Variants in PNPLA4 observed in about 807,000 individuals in gnomAD.
PNPLA4 encodes patatin-like phospholipase domain-containing protein 4.
Under a neutral mutation model 18.3 loss-of-function variants are expected in PNPLA4, and 15 were observed. That is an observed-to-expected ratio of 0.82 (90% CI 0.55 to 1.26). The LOEUF (loss-of-function observed/expected upper bound fraction) is 1.26. Ranked by LOEUF, PNPLA4 falls within the 50% of genes most tolerant of loss-of-function variation. PNPLA4 has a pLI of 0.00. For missense variants in PNPLA4, 229 were observed against 196.8 expected (o/e 1.16, Z -0.98); for synonymous variants, 88 against 85.6 (o/e 1.03, Z -0.16).
At chrX:7,906,458 C>A (rs1407108936) in intron 5 of PNPLA4, among the ~76,000 whole-genome samples, 1 of 111,830 alleles carries the variant, frequency 8.9e-6, no homozygotes, top group African/African-American at 3.3e-5. Context: ...CTCCAGATAT[C>A]TACTTTTGAG....
intron 4 of PNPLA4, among the ~76,000 whole-genome samples, chrX:7,919,468 G>A (rs1924146073): frequency 1.8e-5 from 2 of 112,273 alleles, no homozygotes; most frequent in Admixed American, 9.4e-5. Flanking sequence ...CCTGCTTTCC[G>A]AGAAGCCTCT....
At chrX:7,903,723 G>A (rs768181563) in intron 5 of PNPLA4, among the ~76,000 whole-genome samples, 1 of 112,117 alleles carries the variant, frequency 8.9e-6, no homozygotes, top group Non-Finnish European at 1.9e-5. Flanking sequence ...AAAATGGGTT[G>A]AAAATTCCTT....
At chrX:7,910,962 A>G (rs1388451704) in intron 5 of PNPLA4, among the ~76,000 whole-genome samples, 1 of 111,237 alleles carries the variant, frequency 9.0e-6, no homozygotes, top group Non-Finnish European at 1.9e-5. Context: ...TAATTGTTAG[A>G]TAACTGATTA....
chrX:7,926,991 G>T (rs1222514721), intron 1 of PNPLA4, among the ~76,000 whole-genome samples: 1 of 112,751 alleles, frequency 8.9e-6, no homozygotes, highest in African/African-American at 3.2e-5. Flanking sequence ...ACCTAAGACC[G>T]CCTGTTCCTG....
chrX:7,921,622 T>C, intron 4 of PNPLA4, 91 bp downstream of exon 4: 1 of 795,871 alleles, frequency 1.3e-6, no homozygotes, highest in South Asian at 2.3e-5. Context: ...AGACACAGGA[T>C]CTAAAGAACG....
intron 4 of PNPLA4, among the ~76,000 whole-genome samples, chrX:7,914,112 T>G (rs745585500): frequency 2.7e-5 from 3 of 112,462 alleles, no homozygotes; most frequent in Non-Finnish European, 5.6e-5. Flanking sequence ...GTTTATTTAT[T>G]TATTACAAGG....
chrX:7,922,430 C>T (rs774068426), intron 2 of PNPLA4, among the ~76,000 whole-genome samples: 7 of 112,628 alleles, frequency 6.2e-5, no homozygotes, highest in Non-Finnish European at 1.1e-4. Flanking sequence ...AACCTTCTCT[C>T]CCACCCCTAT....
intron 2 of PNPLA4, among the ~76,000 whole-genome samples, chrX:7,923,686 G>T (rs1469817689): frequency 9.0e-6 from 1 of 111,510 alleles, no homozygotes; most frequent in African/African-American, 3.3e-5. Context: ...TGAAAGCAGA[G>T]GATAGTAAAA....
chrX:7,909,375 C>T (rs1377275159), intron 5 of PNPLA4, among the ~76,000 whole-genome samples: 4 of 110,712 alleles, frequency 3.6e-5, no homozygotes, highest in East Asian at 5.7e-4. Context: ...CCGGCTAACA[C>T]GGTGAAACCC....
Position 7,900,649 on chromosome X carries a change from T to C in PNPLA4, c.*37A>G. ...GATTAGAAACTTCCATCAAAAACTA[T>C]CTAAAACGTGTTTTGCATTATAAAC... is the stretch of plus-strand genomic sequence containing the variant. On this transcript the variant is annotated 3_prime_UTR_variant, in exon 7 of 7. Transcript: ENST00000381042. 2.0e-6 allele frequency: 2 copies of C among 1,010,149 alleles called. No homozygotes were observed. The highest frequency in any genetic ancestry group is 2.7e-6 in the Non-Finnish European group (2 of 742,458). 83.2% of individuals were successfully genotyped at this position (1,010,149 alleles called of 1,213,427 possible). A position where few individuals can be genotyped will look rare whatever the true frequency, so the allele number is the denominator to read the frequency against.
At chrX:7,927,685 C>A (rs1388750548), upstream of PNPLA4, 1 of 112,901 alleles carries the variant, frequency 8.9e-6, no homozygotes, top group African/African-American at 3.2e-5. Context: ...GAGCAACTGA[C>A]CTTTAATAAT....
rs754756867 is a variant in PNPLA4, at chrX:7,905,641, T to A, written c.478-3500A>T. ...ATAAATACCATGGCAGAGGGCCTAGTAGTTTAAAAGTGATTTCACATGTAT... is the reference window on the plus strand; with the variant it reads ...ATAAATACCATGGCAGAGGGCCTAGAAGTTTAAAAGTGATTTCACATGTAT... On this transcript the variant is annotated intron_variant, in intron 5 of 6. Transcript: ENST00000381042. 9.8e-5 allele frequency among the ~76,000 whole-genome samples: 11 copies of A among 112,714 alleles called. No individual in the cohort carries two copies. The South Asian group carries it at 3.3e-3, about 34-fold the overall frequency.
Position 7,926,049 on chromosome X carries a change from G to A in PNPLA4, c.71C>T (p.Ala24Val). ...AAGTTTTTTGCCATGTCTGCAAAGTGCAGATGCTGCCCCCAAGTGGTAAAT... is the reference window on the plus strand; with the variant it reads ...AAGTTTTTTGCCATGTCTGCAAAGTACAGATGCTGCCCCCAAGTGGTAAAT... ...LGIYHLGAAS[A>V]LCRHGKKLVK... is the part of the protein sequence containing the mutation. The change falls in exon 2 of 7, where the codon GCA (alanine) becomes GTA (valine). Residue 24 changes from alanine (A) to valine (V), a missense_variant. By Grantham distance (64) the Ala-to-Val change is moderately conservative (BLOSUM62 0). Coordinates refer to ENST00000381042, the MANE Select transcript of PNPLA4 (RefSeq NM_004650.3). The A allele has an allele frequency of 8.3e-7, 1 of 1,210,589 alleles. No homozygotes were observed. Among genetic ancestry groups the A allele is most frequent in the Non-Finnish European group, 1.1e-6 (1 of 894,290 alleles).
At chrX:7,916,900 G>A (rs1344865252) in intron 4 of PNPLA4, among the ~76,000 whole-genome samples, 1 of 112,179 alleles carries the variant, frequency 8.9e-6, no homozygotes, top group African/African-American at 3.2e-5. Flanking sequence ...TCTCCCCTCT[G>A]CAGGCTGCCT....
chrX:7,922,644 GAC>G (rs1227815939), intron 2 of PNPLA4, among the ~76,000 whole-genome samples: 2 of 112,098 alleles, frequency 1.8e-5, no homozygotes, highest in African/African-American at 6.5e-5. Flanking sequence ...CCACAGAGGT[GAC>G]ACTGTCAGTT....
Position 7,922,078 on chromosome X carries a change from G to A in PNPLA4, c.201C>T (p.Tyr67=). 1 of 1,202,782 alleles carries A rather than the reference G, an allele frequency of 8.3e-7. No homozygotes were observed. Among genetic ancestry groups the A allele is most frequent in the Non-Finnish European group, 1.1e-6 (1 of 888,107 alleles). ...GCCTTCTGATTTCTTCGGCAAACTT[G>A]TAGGTAAATTGGTTACATTCCTAAA... The part of the protein sequence containing the change: ...EKIEECNQFT[Y]KFAEEIRRQS... Residue 67 remains tyrosine (Y), a synonymous_variant, in exon 3 of 7, where the codon TAC becomes TAT. Transcript: ENST00000381042.
intron 5 of PNPLA4, among the ~76,000 whole-genome samples, chrX:7,905,299 C>T (rs767005466): frequency 8.0e-5 from 9 of 112,526 alleles, no homozygotes; most frequent in East Asian, 2.8e-4. Flanking sequence ...TGTTAAACTT[C>T]GCTTTAGACA....
At chrX:7,907,221 G>A (rs1601644658) in intron 5 of PNPLA4, among the ~76,000 whole-genome samples, 1 of 111,085 alleles carries the variant, frequency 9.0e-6, no homozygotes, top group Admixed American at 9.6e-5. Context: ...GTTTCACCAC[G>A]TTAGCCAGGC....
At chrX:7,919,393 G>A (rs1047184133) in intron 4 of PNPLA4, among the ~76,000 whole-genome samples, 3 of 112,123 alleles carry the variant, frequency 2.7e-5, no homozygotes, top group Non-Finnish European at 5.6e-5. Context: ...TCAGGTGTTA[G>A]GAGAATCCAG....
Sources: allele counts gnomAD v4.1 joint callset (sites outside exome capture counted in the v4.1 genomes callset), GRCh38; gene constraint gnomAD v4.1.1; transcripts MANE v1.5; gene names NCBI Gene and HGNC (gene_info 2026-07-23, HGNC 2026-07-21).